PRTFDC1: variants seen among roughly 807,000 people sequenced by gnomAD.
PRTFDC1 encodes phosphoribosyltransferase domain-containing protein 1.
PRTFDC1 carries 38 observed loss-of-function variants against 34.6 expected under a neutral mutation model. The ratio of observed to expected loss-of-function variants is 1.10; its 90% CI spans 0.85 to 1.44. PRTFDC1 has a LOEUF of 1.44. PRTFDC1 is among the 40% of genes most tolerant of loss of function. The pLI, the probability that PRTFDC1 is intolerant of heterozygous loss-of-function variation, is 0.00. For synonymous variants in PRTFDC1, 93 were observed against 98.1 expected, an observed-to-expected ratio of 0.95 and a Z score of 0.31; for missense variants, 270 against 283.0, an observed-to-expected ratio of 0.95 and a Z score of 0.33.
intron 2 of PRTFDC1, among the ~76,000 whole-genome samples, chr10:24,941,003 G>A (rs1313076388): frequency 6.6e-6 from 1 of 151,474 alleles, no homozygotes; most frequent in African/African-American, 2.4e-5. Context: ...ACCTGCAATG[G>A]GTGAATTTTG....
chr10:24,895,008 T>G (rs1365308816), intron 3 of PRTFDC1, among the ~76,000 whole-genome samples: 2 of 152,098 alleles, frequency 1.3e-5, no homozygotes, highest in Admixed American at 6.5e-5. Flanking sequence ...ACCCTGGGCT[T>G]GGCTTCCCAG....
chr10:24,886,670 G>A (rs10828717), intron 3 of PRTFDC1, among the ~76,000 whole-genome samples: 66,800 of 151,960 alleles, frequency 0.44, 15,148 homozygotes, highest in Non-Finnish European at 0.49. Flanking sequence ...GGAGTGCAAC[G>A]GTGCTATCAT....
At chr10:24,886,938 A>G (rs1848176968) in intron 3 of PRTFDC1, among the ~76,000 whole-genome samples, 1 of 138,312 alleles carries the variant, frequency 7.2e-6, no homozygotes, top group Non-Finnish European at 1.6e-5. Flanking sequence ...ACATCTTTGT[A>G]TCTTGTTAAT....
chr10:24,911,811 G>A lies in PRTFDC1; in HGVS notation c.339+25373C>T, dbSNP rs138153441. Among the ~76,000 whole-genome samples the A allele has an allele frequency of 3.1e-3, 468 of 152,090 alleles. 1 individual carries two copies. Among genetic ancestry groups the A allele is most frequent in the Middle Eastern group, 0.01 (3 of 294 alleles). On this transcript the variant is annotated intron_variant, in intron 3 of 8. Coordinates refer to ENST00000320152, the MANE Select transcript of PRTFDC1 (RefSeq NM_020200.7). Reference sequence around the variant, plus strand: ...GAACCCAGGAGGCGGAGTTTGCAGTGAGCCAAGATCACGTCACCGCACTCC... The same window carrying A: ...GAACCCAGGAGGCGGAGTTTGCAGTAAGCCAAGATCACGTCACCGCACTCC...
intron 4 of PRTFDC1, among the ~76,000 whole-genome samples, chr10:24,864,911 T>A (rs992547306): frequency 6.6e-6 from 1 of 151,838 alleles, no homozygotes; most frequent in Non-Finnish European, 1.5e-5. Context: ...AGGCCAGGAG[T>A]TTGAGAACAT....
chr10:24,889,989 A>G (rs771604794), intron 3 of PRTFDC1, among the ~76,000 whole-genome samples: 48 of 152,240 alleles, frequency 3.2e-4, no homozygotes, highest in Non-Finnish European at 8.8e-5. Context: ...AACACTGCAC[A>G]TCTGTCTGTC....
intron 3 of PRTFDC1, among the ~76,000 whole-genome samples, chr10:24,872,514 C>T (rs1847888439): frequency 6.6e-6 from 1 of 151,998 alleles, no homozygotes; most frequent in South Asian, 2.1e-4. Flanking sequence ...AGACCGGAGG[C>T]CTCCTCTACT....
intron 3 of PRTFDC1, among the ~76,000 whole-genome samples, chr10:24,880,614 CCCCAT>C (rs1848050046): frequency 6.6e-6 from 1 of 152,164 alleles, no homozygotes; most frequent in Non-Finnish European, 1.5e-5. Flanking sequence ...GGTGGACTGA[CCCCAT>C]GAGGCATATG....
intron 3 of PRTFDC1, among the ~76,000 whole-genome samples, chr10:24,885,652 TGCCTCG>T (rs1848152734): frequency 6.6e-6 from 1 of 152,216 alleles, no homozygotes; most frequent in African/African-American, 2.4e-5. Flanking sequence ...GTGATCTGCC[TGCCTCG>T]GCTTCCCAAG....
intron 3 of PRTFDC1, among the ~76,000 whole-genome samples, chr10:24,934,909 C>A (rs1227542672): frequency 6.6e-6 from 1 of 152,088 alleles, no homozygotes; most frequent in East Asian, 1.9e-4. Context: ...CAACAATACA[C>A]ACAATATGGA....
chr10:24,939,663 G>A (rs113445085), intron 2 of PRTFDC1, among the ~76,000 whole-genome samples: 107 of 151,644 alleles, frequency 7.1e-4, no homozygotes, highest in African/African-American at 2.5e-3. Context: ...GTGTGGTGGT[G>A]CATGCTTATA....
intron 3 of PRTFDC1, 112 bp downstream of exon 3, chr10:24,937,072 T>A (rs2132607526): frequency 9.8e-7 from 1 of 1,019,456 alleles, no homozygotes; most frequent in Non-Finnish European, 1.4e-6. Flanking sequence ...TACCCTTCAT[T>A]TTCATCTCCA....
At chr10:24,908,788 C>T (rs1848580642) in intron 3 of PRTFDC1, 5 of 1,425,146 alleles carry the variant, frequency 3.5e-6, no homozygotes, top group Non-Finnish European at 4.6e-6. Flanking sequence ...GTGACTGATG[C>T]CACAGCCAGA....
At chr10:24,941,036 TTG>T (rs58812300) in intron 2 of PRTFDC1, among the ~76,000 whole-genome samples, 37,114 of 149,940 alleles carry the variant, frequency 0.25, 4,821 homozygotes, top group East Asian at 0.45. Context: ...TAAATTAATC[TTG>T]TGTGTGTGTG....
chr10:24,929,622 C>A (rs1466415973), intron 3 of PRTFDC1, among the ~76,000 whole-genome samples: 1 of 152,104 alleles, frequency 6.6e-6, no homozygotes, highest in East Asian at 1.9e-4. Flanking sequence ...GTTAGCTAAC[C>A]AAATTGGTGG....
At chr10:24,888,158 C>T (rs1848201388) in intron 3 of PRTFDC1, among the ~76,000 whole-genome samples, 1 of 152,204 alleles carries the variant, frequency 6.6e-6, no homozygotes, top group Non-Finnish European at 1.5e-5. Flanking sequence ...CAGGCATGAG[C>T]CTCTGCACCA....
At chr10:24,924,927 C>T (rs1848847006) in intron 3 of PRTFDC1, among the ~76,000 whole-genome samples, 1 of 152,192 alleles carries the variant, frequency 6.6e-6, no homozygotes, top group African/African-American at 2.4e-5. Flanking sequence ...CCTCAAGGAT[C>T]TAGAACTAGA....
At chr10:24,943,617 C>A (rs958365730) in intron 1 of PRTFDC1, among the ~76,000 whole-genome samples, 1 of 149,376 alleles carries the variant, frequency 6.7e-6, no homozygotes, top group African/African-American at 2.5e-5. Context: ...GTGGTGCGAT[C>A]TCTGCTCACT....
rs540921602 is a variant in PRTFDC1, at chr10:24,883,439, G to T, written c.340-11376C>A. 2.0e-5 allele frequency among the ~76,000 whole-genome samples: 3 copies of T among 152,122 alleles called. No individual in the cohort carries two copies. In the East Asian group the frequency reaches 5.8e-4, roughly 29 times the overall value. Reference sequence around the variant, plus strand: ...AGGAGGGACACAATAATGGGAAGAAGCTACAGGCTAGTGGGAAGAAAGAAA... The same window carrying T: ...AGGAGGGACACAATAATGGGAAGAATCTACAGGCTAGTGGGAAGAAAGAAA... On this transcript the variant is annotated intron_variant, in intron 3 of 8. Transcript: ENST00000320152.
Sources: allele counts gnomAD v4.1 joint callset (sites outside exome capture counted in the v4.1 genomes callset), GRCh38; gene constraint gnomAD v4.1.1; transcripts MANE v1.5; gene names NCBI Gene and HGNC (gene_info 2026-07-23, HGNC 2026-07-21).